Variants in AHCTF1 observed in about 807,000 individuals in gnomAD.
The protein encoded by AHCTF1 is protein ELYS.
A neutral mutation model predicts 248.4 loss-of-function variants in AHCTF1; 24 were observed. The ratio of observed to expected loss-of-function variants is 0.10; its 90% CI spans 0.07 to 0.14. The LOEUF (loss-of-function observed/expected upper bound fraction) is 0.14. Ranked by LOEUF, AHCTF1 falls within the 10% of genes least tolerant of loss-of-function variation. AHCTF1 has a pLI of 1.00. For missense variants in AHCTF1, 2,206 were observed against 2,636.2 expected (o/e 0.84, Z 3.57); for synonymous variants, 786 against 929.8 (o/e 0.85, Z 2.81).
intron 24 of AHCTF1, among the ~76,000 whole-genome samples, chr1:246,875,342 C>A (rs72766511): frequency 6.6e-6 from 1 of 152,140 alleles, no homozygotes; most frequent in African/African-American, 2.4e-5. Context: ...GAATCCTCCC[C>A]GGTGTTGTCC....
At chr1:246,858,853 A>C (rs776800372) in intron 29 of AHCTF1, among the ~76,000 whole-genome samples, 1 of 152,178 alleles carries the variant, frequency 6.6e-6, no homozygotes, top group Non-Finnish European at 1.5e-5. Context: ...TAATATTGTA[A>C]GAATAATCAG....
chr1:246,930,786 G>A (rs1667293559), intron 1 of AHCTF1, among the ~76,000 whole-genome samples: 1 of 152,036 alleles, frequency 6.6e-6, no homozygotes, highest in South Asian at 2.1e-4. Flanking sequence ...TTCCCCAAAG[G>A]ATTTACGTTT....
intron 11 of AHCTF1, 100 bp downstream of exon 11, chr1:246,899,351 A>T: frequency 3.1e-6 from 3 of 977,978 alleles, no homozygotes; most frequent in Non-Finnish European, 4.5e-6. Context: ...TTTAAGCTGA[A>T]ACAACTGTCA....
At chr1:246,906,582 C>G (rs1220467418) in intron 5 of AHCTF1, among the ~76,000 whole-genome samples, 1 of 151,292 alleles carries the variant, frequency 6.6e-6, no homozygotes, top group African/African-American at 2.4e-5. Context: ...ACCCCACCCC[C>G]CAAAAAAATA....
intron 1 of AHCTF1, among the ~76,000 whole-genome samples, chr1:246,929,982 A>G (rs1267592361): frequency 2.0e-5 from 3 of 151,774 alleles, no homozygotes; most frequent in Non-Finnish European, 4.4e-5. Context: ...AACCTGGGAG[A>G]CGGAGGTTGC....
At chr1:246,901,758 C>T (rs1665016988) in intron 8 of AHCTF1, among the ~76,000 whole-genome samples, 1 of 152,152 alleles carries the variant, frequency 6.6e-6, no homozygotes, top group African/African-American at 2.4e-5. Context: ...GTCAAGGCTG[C>T]AACCAGCCAA....
In AHCTF1 at chr1:246,878,906, C is replaced by A. The variant is rs74152756; in HGVS notation, c.2661-1604G>T. Reference sequence around the variant, plus strand: ...ATTGCCTCGTGCTTCTCTTACTAGACGGTGGAATCATTGTAACTTGGGTGT... The same window carrying A: ...ATTGCCTCGTGCTTCTCTTACTAGAAGGTGGAATCATTGTAACTTGGGTGT... On this transcript the variant is annotated intron_variant, in intron 21 of 35. Coordinates refer to ENST00000648844, the MANE Select transcript of AHCTF1 (RefSeq NM_001323342.2). 3.3e-5 allele frequency among the ~76,000 whole-genome samples: 5 copies of A among 152,258 alleles called. No homozygotes were observed. The East Asian group carries it at 9.6e-4, about 29-fold the overall frequency.
intron 21 of AHCTF1, among the ~76,000 whole-genome samples, chr1:246,878,412 A>T (rs1031233445): frequency 4.7e-5 from 7 of 150,228 alleles, no homozygotes; most frequent in African/African-American, 1.7e-4. Context: ...AAAAAAAAAA[A>T]AAAAAAAAAA....
At chr1:246,899,407 G>T in intron 11 of AHCTF1, 44 bp downstream of exon 11, 1 of 1,452,082 alleles carries the variant, frequency 6.9e-7, no homozygotes, top group Non-Finnish European at 9.5e-7. Context: ...TATATTCTAA[G>T]ATCTGACTTC....
intron 13 of AHCTF1, among the ~76,000 whole-genome samples, chr1:246,895,092 A>G (rs1487251750): frequency 6.6e-6 from 1 of 152,210 alleles, no homozygotes; most frequent in Non-Finnish European, 1.5e-5. Flanking sequence ...AAGGGAAATT[A>G]TAAAAACAAT....
intron 3 of AHCTF1, among the ~76,000 whole-genome samples, chr1:246,915,193 G>A (rs1360802628): frequency 6.6e-6 from 1 of 152,174 alleles, no homozygotes; most frequent in African/African-American, 2.4e-5. Flanking sequence ...AGCTGGGCGT[G>A]GTGGTGCACG....
intron 1 of AHCTF1, among the ~76,000 whole-genome samples, chr1:246,923,224 G>GACTAACATGATGAAACCCCATCTTTAC (rs1666700687): frequency 1.3e-5 from 2 of 151,512 alleles, no homozygotes; most frequent in African/African-American, 4.9e-5. Flanking sequence ...AGACCAGCCT[G>GACTAACATGATGAAACCCCATCTTTAC]ACTAACATGA....
At chr1:246,930,613 A>G (rs993654320) in intron 1 of AHCTF1, among the ~76,000 whole-genome samples, 8 of 149,364 alleles carry the variant, frequency 5.4e-5, no homozygotes, top group Non-Finnish European at 7.4e-5. Context: ...GGGTCTCGCC[A>G]TGTTGCTCAG....
At chr1:246,884,200 T>TA (rs1269126279) in intron 21 of AHCTF1, among the ~76,000 whole-genome samples, 5 of 152,232 alleles carry the variant, frequency 3.3e-5, no homozygotes, top group African/African-American at 4.8e-5. Flanking sequence ...TTTGATCTCA[T>TA]AAAAAATCTC....
intron 28 of AHCTF1, 38 bp from the exon 29 acceptor site, chr1:246,861,333 A>G (rs749115287): frequency 1.3e-6 from 2 of 1,534,596 alleles, no homozygotes; most frequent in Non-Finnish European, 1.8e-6. Context: ...AAATTAGTAA[A>G]TATCACAGTT....
At chr1:246,898,394 A>C (rs1187331275) in intron 11 of AHCTF1, 58 bp from the exon 12 acceptor site, 2 of 1,505,750 alleles carry the variant, frequency 1.3e-6, no homozygotes, top group Non-Finnish European at 1.8e-6. Context: ...AATCAAATTT[A>C]AGATTAATTA....
Position 246,861,006 on chromosome 1 carries a change from C to T in AHCTF1, c.4025G>A (p.Ser1342Asn), listed in dbSNP as rs1661501577. ...ATTAGTAGTTAGTGCAGTGGAAGAG[C>T]TTTTGGGCTTAGAGGCCGTGAAAAC... ...ETVFTASKPKSSSTALTTNVT... is the reference protein window; with the variant it reads ...ETVFTASKPKNSSTALTTNVT... The change falls in exon 29 of 36, where the codon AGC becomes AAC. Residue 1342 changes from serine (S) to asparagine (N), a missense_variant. Physicochemically the swap from Ser to Asn is conservative, Grantham distance 46. This residue lies in a region of AHCTF1 where 955 missense variants were observed against 1,055.6 expected (regional missense o/e 0.90). Coordinates refer to ENST00000648844, the MANE Select transcript of AHCTF1 (RefSeq NM_001323342.2). 6.2e-7 allele frequency: 1 copy of T among 1,613,806 alleles called. No homozygotes were observed. Among genetic ancestry groups the T allele is most frequent in the Admixed American group, 1.7e-5 (1 of 60,000 alleles).
chr1:246,851,492 T>C, intron 32 of AHCTF1, 50 bp from the exon 33 acceptor site: 1 of 1,498,904 alleles, frequency 6.7e-7, no homozygotes, highest in Middle Eastern at 1.8e-4. Context: ...AATACATGTT[T>C]TAACTTGAAG....
At position 246,850,231 on chromosome 1, in the gene AHCTF1, G is replaced by C; in HGVS notation, c.5775C>G (p.Ser1925=). The C allele has an allele frequency of 6.2e-7, 1 of 1,613,706 alleles. No individual in the cohort carries two copies. The highest frequency in any genetic ancestry group is 2.2e-5 in the East Asian group (1 of 44,852). ...ENTGNKQDDK[S]SDKQLRIKHV... is the part of the protein sequence containing the mutation. ...GTTTAATACGCAGCTGCTTGTCACT[G>C]GATTTATCATCTTGCTTATTTCCTG... is the stretch of plus-strand genomic sequence containing the variant. Residue 1925 remains serine (S), a synonymous_variant, in exon 33 of 36, where the codon TCC becomes TCG. Coordinates refer to ENST00000648844, the MANE Select transcript of AHCTF1 (RefSeq NM_001323342.2).
Sources: gnomAD v4.1 joint callset for allele counts (sites outside exome capture counted in the v4.1 genomes callset) on GRCh38, gnomAD v4.1.1 for gene constraint, gnomAD v4.1.1 regional missense constraint, MANE v1.5 for transcripts, NCBI Gene and HGNC (gene_info 2026-07-23, HGNC 2026-07-21) for gene names.